SFSWAP: variants seen among roughly 807,000 people sequenced by gnomAD.
SFSWAP encodes the protein splicing factor, suppressor of white-apricot homolog.
A neutral mutation model predicts 100.7 loss-of-function variants in SFSWAP; 17 were observed. The ratio of observed to expected loss-of-function variants is 0.17; its 90% CI spans 0.12 to 0.25. The LOEUF is 0.25. Among genes scored for constraint, SFSWAP ranks in the 10% least tolerant of loss-of-function variants. The probability of loss-of-function intolerance (pLI) is 1.00; values close to 1 mark genes in which losing one functional copy is unlikely to be tolerated. For missense variants in SFSWAP, 1,005 were observed against 1,262.6 expected (o/e 0.80, Z 3.09); for synonymous variants, 504 against 510.1 (o/e 0.99, Z 0.16).
chr12:131,755,533 C>T (rs1882076843), intron 10 of SFSWAP, 54 bp downstream of exon 10: 2 of 1,293,614 alleles, frequency 1.5e-6, no homozygotes, highest in Admixed American at 3.6e-5. Context: ...GCTCCGCCTT[C>T]CAGATCAGAA....
In SFSWAP at chr12:131,799,657, A is replaced by AC; in HGVS notation, c.*171dup. 1 of 602,770 alleles carries AC rather than the reference A, an allele frequency of 1.7e-6. No individual in the cohort carries two copies. The highest frequency in any genetic ancestry group is 2.9e-6 in the Non-Finnish European group (1 of 340,792). The allele number at this position is 602,770 out of a possible 1,614,324, so 37.3% of individuals were successfully genotyped here. On this transcript the variant is annotated 3_prime_UTR_variant, in exon 18 of 18. Coordinates refer to ENST00000261674, the MANE Select transcript of SFSWAP (RefSeq NM_004592.4). ...TAAGATTTCTGACCAGCAGTCTCTT[A>AC]CCTGTATATTTGTAAATATATCATG...
intron 7 of SFSWAP, among the ~76,000 whole-genome samples, chr12:131,745,004 G>C (rs1466532120): frequency 6.6e-6 from 1 of 152,172 alleles, no homozygotes; most frequent in African/African-American, 2.4e-5. Context: ...CTCCTACCAG[G>C]CTCCTCCCAC....
intron 7 of SFSWAP, 127 bp downstream of exon 7, chr12:131,728,555 C>T (rs1206672799): frequency 1.9e-6 from 2 of 1,034,828 alleles, no homozygotes; most frequent in Non-Finnish European, 2.8e-6. Flanking sequence ...GGCCCAGAGC[C>T]TGCACATGGT....
chr12:131,788,388 G>A (rs1052823538), intron 15 of SFSWAP, among the ~76,000 whole-genome samples: 1 of 152,184 alleles, frequency 6.6e-6, no homozygotes, highest in Non-Finnish European at 1.5e-5. Context: ...CAAAGTCTGC[G>A]GAGTGTTAAA....
chr12:131,780,951 G>A (rs1884452596), intron 14 of SFSWAP, among the ~76,000 whole-genome samples: 1 of 152,110 alleles, frequency 6.6e-6, no homozygotes, highest in Non-Finnish European at 1.5e-5. Context: ...TGTGATGTCT[G>A]ATATTTCCGG....
Position 131,775,004 on chromosome 12 carries a change from C to T in SFSWAP, c.2143-3061C>T, listed in dbSNP as rs184394432. 2.0e-5 allele frequency among the ~76,000 whole-genome samples: 3 copies of T among 152,286 alleles called. No individual in the cohort carries two copies. In the East Asian group the frequency reaches 5.8e-4, roughly 29 times the overall value. On this transcript the variant is annotated intron_variant, in intron 13 of 17. Transcript: ENST00000261674. ...AAACTCAGCTGGAGAGTTGACTCCT[C>T]GCACTCCTGTTTGTCTTGACTGTGC...
chr12:131,725,799 C>T lies in SFSWAP; in HGVS notation c.832+169C>T, dbSNP rs1878912538. ...TGAAATCCTGCAGCTAAGGCGTGAT[C>T]GTTACCCCTGCTGGTGCACCTTTAT... On this transcript the variant is annotated intron_variant, in intron 5 of 17. Transcript: ENST00000261674. The surrounding 1 kb of genome is among the most constrained non-coding windows in gnomAD (Gnocchi z 4.3). 2.6e-5 allele frequency among the ~76,000 whole-genome samples: 4 copies of T among 152,102 alleles called. No homozygotes were observed. Among genetic ancestry groups the T allele is most frequent in the African/African-American group, 4.8e-5 (2 of 41,400 alleles).
intron 7 of SFSWAP, among the ~76,000 whole-genome samples, chr12:131,740,466 A>G (rs1311625661): frequency 1.3e-5 from 2 of 152,132 alleles, no homozygotes; most frequent in African/African-American, 2.4e-5. Flanking sequence ...TTCATGGACT[A>G]TATTGTATAC....
chr12:131,783,791 T>C (rs1471645398), intron 14 of SFSWAP: 1 of 67,068 alleles, frequency 1.5e-5, no homozygotes, highest in Admixed American at 1.9e-4. Flanking sequence ...AAAAAAACAT[T>C]TTATATATAT....
intron 15 of SFSWAP, among the ~76,000 whole-genome samples, chr12:131,791,607 C>T (rs1330989893): frequency 6.6e-6 from 1 of 151,022 alleles, no homozygotes; most frequent in African/African-American, 2.4e-5. Flanking sequence ...AAAAAATTAA[C>T]CGGGTGTGGT....
At position 131,728,386 on chromosome 12, in the gene SFSWAP, G is replaced by T; in HGVS notation, c.1039G>T (p.Gly347Cys). 7 of 1,614,234 alleles carry T rather than the reference G, an allele frequency of 4.3e-6. No individual in the cohort carries two copies. Among genetic ancestry groups the T allele is most frequent in the Non-Finnish European group, 5.9e-6 (7 of 1,180,038 alleles). Reference protein sequence around the residue: ...SSTPTPHNADGAPVQPSQVEY... With the variant: ...SSTPTPHNADCAPVQPSQVEY... ...CACTCCCACCCCACACAACGCAGACGGTGCGCCTGTGCAGCCCTCCCAGGT... is the reference window on the plus strand; with the variant it reads ...CACTCCCACCCCACACAACGCAGACTGTGCGCCTGTGCAGCCCTCCCAGGT... Residue 347 changes from glycine (G) to cysteine (C), a missense_variant, in exon 7 of 18, where the codon GGT (glycine) becomes TGT (cysteine). By Grantham distance (159) the Gly-to-Cys change is radical. Transcript: ENST00000261674.
In SFSWAP at chr12:131,766,437, G is replaced by A. The variant is rs573110531; in HGVS notation, c.2142+129G>A. The A allele has an allele frequency of 4.3e-5, 36 of 830,612 alleles. No homozygotes were observed. In the South Asian group the frequency reaches 5.1e-4, roughly 12 times the overall value. The allele number at this position is 830,612 out of a possible 1,614,324, so 51.5% of individuals were successfully genotyped here. On this transcript the variant is annotated intron_variant, in intron 13 of 17. Transcript: ENST00000261674. The stretch of plus-strand genomic sequence containing the variant: ...ATATGAGCTCCCAGCTCTTCCTCCC[G>A]ACATGGTTGAGTGGCTTTTACTCTA...
intron 7 of SFSWAP, among the ~76,000 whole-genome samples, chr12:131,749,894 A>G (rs1251808623): frequency 6.6e-6 from 1 of 152,252 alleles, no homozygotes; most frequent in Non-Finnish European, 1.5e-5. Flanking sequence ...AGCCCAGAGC[A>G]AAGGCCTCCT....
chr12:131,725,327 T>C lies in SFSWAP; in HGVS notation c.607-78T>C. ...AAATTGACAGTAAAACCAGAGTCAT[T>C]TCTATGTTTTAATGAAATCACGTGG... On this transcript the variant is annotated intron_variant, in intron 4 of 17. Coordinates refer to ENST00000261674, the MANE Select transcript of SFSWAP (RefSeq NM_004592.4). This position sits in a 1 kb window ranked among gnomAD's most constrained non-coding sequence, Gnocchi z 4.3. The C allele has an allele frequency of 8.3e-7, 1 of 1,200,582 alleles. No homozygotes were observed. Among genetic ancestry groups the C allele is most frequent in the Non-Finnish European group, 1.2e-6 (1 of 808,480 alleles). 74.4% of individuals were successfully genotyped at this position (1,200,582 alleles called of 1,614,324 possible).
chr12:131,750,448 A>T (rs1414751997), intron 7 of SFSWAP, among the ~76,000 whole-genome samples: 2 of 152,222 alleles, frequency 1.3e-5, no homozygotes, highest in Non-Finnish European at 2.9e-5. Context: ...TGTGTGGGGA[A>T]GAGGTGACAG....
intron 15 of SFSWAP, among the ~76,000 whole-genome samples, chr12:131,795,369 C>T (rs1265082241): frequency 6.6e-6 from 1 of 152,230 alleles, no homozygotes; most frequent in Non-Finnish European, 1.5e-5. Context: ...CAGAACCACA[C>T]AAGGGAGCCC....
chr12:131,746,558 T>G (rs1204476496), intron 7 of SFSWAP, among the ~76,000 whole-genome samples: 1 of 152,248 alleles, frequency 6.6e-6, no homozygotes, highest in Non-Finnish European at 1.5e-5. Flanking sequence ...TTCTTTCCTG[T>G]GTTCATTCCT....
chr12:131,799,228 C>A, intron 17 of SFSWAP, 119 bp downstream of exon 17: 1 of 1,027,156 alleles, frequency 9.7e-7, no homozygotes, highest in Non-Finnish European at 1.5e-6. Context: ...GGATCTCGGG[C>A]AAAATACCAC....
chr12:131,746,314 A>G (rs901027737), intron 7 of SFSWAP, among the ~76,000 whole-genome samples: 18 of 152,208 alleles, frequency 1.2e-4, no homozygotes, highest in Non-Finnish European at 7.3e-5. Context: ...CTGAGGACCT[A>G]CAGCGTTGTT....
Sources: gnomAD v4.1 joint callset for allele counts (sites outside exome capture counted in the v4.1 genomes callset) on GRCh38, gnomAD v4.1.1 for gene constraint, Gnocchi (gnomAD v3.1) non-coding constraint, MANE v1.5 for transcripts, NCBI Gene and HGNC (gene_info 2026-07-23, HGNC 2026-07-21) for gene names.